THAP6: variants seen among roughly 807,000 people sequenced by gnomAD.
THAP6 encodes THAP domain containing 6.
THAP6 carries 13 observed loss-of-function variants against 20.0 expected under a neutral mutation model. The observed-to-expected ratio is 0.65, with a 90% CI of 0.42 to 1.03. THAP6 has a LOEUF of 1.03. THAP6 is among the 50% of genes least tolerant of loss of function. The probability of loss-of-function intolerance (pLI) is 0.00; values close to 1 mark genes in which losing one functional copy is unlikely to be tolerated. For synonymous variants in THAP6, 93 were observed against 92.2 expected (o/e 1.01, Z -0.05); for missense variants, 262 against 261.6 (o/e 1.00, Z -0.01).
intron 2 of THAP6, among the ~76,000 whole-genome samples, 198 bp from the exon 3 acceptor site, chr4:75,516,574 C>T (rs188206429): frequency 5.9e-5 from 9 of 152,254 alleles, no homozygotes; most frequent in Admixed American, 5.2e-4. Flanking sequence ...CATATATCTG[C>T]AGCATGATTG....
Position 75,527,168 on chromosome 4 carries a change from G to A in THAP6, c.623G>A (p.Cys208Tyr). ...QETANRLDTFCWDCCQESIEQ... is the reference protein window; with the variant it reads ...QETANRLDTFYWDCCQESIEQ... ...ACAGCAAATAGACTGGACACTTTCT[G>A]TTGGGACTGTTGTCAGGAGAGCATA... Residue 208 changes from cysteine (C) to tyrosine (Y), a missense_variant, in exon 5 of 5, where the codon TGT becomes TAT. Cys to Tyr is a radical substitution (Grantham distance 194). Transcript: ENST00000311638. 6.2e-7 allele frequency: 1 copy of A among 1,614,118 alleles called. No individual in the cohort carries two copies. The highest frequency in any genetic ancestry group is 2.2e-5 in the East Asian group (1 of 44,868).
In THAP6 at chr4:75,516,763, T is replaced by C; in HGVS notation, c.81-9T>C. The C allele has an allele frequency of 1.2e-6, 2 of 1,605,978 alleles. No individual in the cohort carries two copies. The highest frequency in any genetic ancestry group is 1.7e-6 in the Non-Finnish European group (2 of 1,176,506). ...TGATTTTAAAATATTTTTTGTATTT[T>C]TTTTCTAGATTCCCCACAGATGAAA... On this transcript the variant is annotated splice_polypyrimidine_tract_variant and intron_variant, in intron 2 of 4. Coordinates refer to ENST00000311638, the MANE Select transcript of THAP6 (RefSeq NM_144721.6).
Position 75,529,303 on chromosome 4 carries a change from A to G in THAP6, c.*2089A>G, listed in dbSNP as rs1465201582. The G allele has an allele frequency of 1.0e-6, 1 of 985,330 alleles. No homozygotes were observed. Among genetic ancestry groups the G allele is most frequent in the Non-Finnish European group, 1.2e-6 (1 of 829,942 alleles). 61.0% of individuals were successfully genotyped at this position (985,330 alleles called of 1,614,324 possible). A position where few individuals can be genotyped will look rare whatever the true frequency, so the allele number is the denominator to read the frequency against. On this transcript the variant is annotated 3_prime_UTR_variant, in exon 5 of 5. Transcript: ENST00000311638. ...TAGCACTCTACTGGCTGCTTAGAAT[A>G]CACCAAACCTGGAAGACCTTTCCAA...
chr4:75,527,111 A>G lies in THAP6; in HGVS notation c.566A>G (p.Glu189Gly). Residue 189 changes from glutamate to glycine, a missense_variant, in exon 5 of 5, where the codon GAA (glutamate) becomes GGA (glycine). Physicochemically the swap from Glu to Gly is moderately conservative, Grantham distance 98. Coordinates refer to ENST00000311638, the MANE Select transcript of THAP6 (RefSeq NM_144721.6). ...FQKSLRKTIR[E>G]LKDECLISQE... ...AAATCATTGAGGAAGACAATCAGGG[A>G]ATTAAAGGATGAATGTCTGATCAGC... 1 of 1,614,152 alleles carries G rather than the reference A, an allele frequency of 6.2e-7. No individual in the cohort carries two copies. The highest frequency in any genetic ancestry group is 8.5e-7 in the Non-Finnish European group (1 of 1,179,996).
intron 3 of THAP6, chr4:75,544,734 T>G (rs1475455299): frequency 2.0e-5 from 3 of 151,816 alleles, no homozygotes; most frequent in Non-Finnish European, 4.4e-5. Flanking sequence ...AACAATAATC[T>G]CCCTCCAAAC....
chr4:75,523,876 TGTA>T (rs1490056015), intron 4 of THAP6, among the ~76,000 whole-genome samples: 2 of 152,034 alleles, frequency 1.3e-5, no homozygotes, highest in Non-Finnish European at 2.9e-5. Context: ...AATGTTTTCT[TGTA>T]GTCGTTTCAT....
At chr4:75,545,480 A>C (rs1004076217) in intron 3 of THAP6, among the ~76,000 whole-genome samples, 1 of 152,152 alleles carries the variant, frequency 6.6e-6, no homozygotes, top group African/African-American at 2.4e-5. Flanking sequence ...ATGCCTAAGC[A>C]AGCCTTGCAG....
chr4:75,515,406 A>C (rs768593302), intron 1 of THAP6, 27 bp from the exon 2 acceptor site: 1 of 1,590,494 alleles, frequency 6.3e-7, no homozygotes, highest in Non-Finnish European at 8.6e-7. Flanking sequence ...CCGGTTACTA[A>C]CTCTTAACAT....
Position 75,527,047 on chromosome 4 carries a change from A to G in THAP6, c.502A>G (p.Ser168Gly). The change falls in exon 5 of 5, where the codon AGT (serine) becomes GGT (glycine). Residue 168 changes from serine (S) to glycine (G), a missense_variant. Coordinates refer to ENST00000311638, the MANE Select transcript of THAP6 (RefSeq NM_144721.6). Reference protein sequence around the residue: ...VIGELEDTKESLRNVLDREKR... With the variant: ...VIGELEDTKEGLRNVLDREKR... ...CGGCGAGCTAGAGGATACAAAGGAA[A>G]GTCTACGGAATGTTTTAGACCGAGA... The G allele has an allele frequency of 6.2e-7, 1 of 1,614,144 alleles. No homozygotes were observed.
At chr4:75,514,399 A>C, upstream of THAP6, 6 of 1,242,750 alleles carry the variant, frequency 4.8e-6, no homozygotes, top group South Asian at 8.9e-5. Flanking sequence ...CACTAGCGAC[A>C]ATATGGCTCC....
At chr4:75,544,660 G>T (rs1200787963) in intron 3 of THAP6, 1 of 152,012 alleles carries the variant, frequency 6.6e-6, no homozygotes, top group East Asian at 1.9e-4. Flanking sequence ...CACCACATCT[G>T]GCCTAGGACT....
upstream of THAP6, chr4:75,514,127 C>A (rs750340269): frequency 4.5e-6 from 7 of 1,561,690 alleles, no homozygotes; most frequent in Non-Finnish European, 6.1e-6. Flanking sequence ...CCAAGCCTAA[C>A]CACCTGCCCA....
chr4:75,534,029 C>A (rs188318530), downstream of THAP6, among the ~76,000 whole-genome samples: 689 of 151,784 alleles, frequency 4.5e-3, 8 homozygotes, highest in African/African-American at 0.016. Flanking sequence ...TTTGTCCTTG[C>A]AATAGTTTGC....
At chr4:75,531,643 T>C (rs1170065369), downstream of THAP6, among the ~76,000 whole-genome samples, 3 of 152,172 alleles carry the variant, frequency 2.0e-5, no homozygotes, top group Non-Finnish European at 4.4e-5. Flanking sequence ...GAGCACTTTA[T>C]AAAAGAAAGA....
chr4:75,541,465 T>TGTGA (rs1727000058), intron 2 of THAP6, among the ~76,000 whole-genome samples: 1 of 151,808 alleles, frequency 6.6e-6, no homozygotes, highest in African/African-American at 2.4e-5. Flanking sequence ...TGTGTGTGTG[T>TGTGA]AAGTATATAG....
At chr4:75,543,567 A>G (rs538656680) in intron 3 of THAP6, among the ~76,000 whole-genome samples, 1 of 152,336 alleles carries the variant, frequency 6.6e-6, no homozygotes, top group African/African-American at 2.4e-5. Context: ...GCTTGAGTCA[A>G]ATACTCAACC....
At chr4:75,536,845 A>G (rs1005704630) in intron 2 of THAP6, among the ~76,000 whole-genome samples, 1 of 152,154 alleles carries the variant, frequency 6.6e-6, no homozygotes, top group African/African-American at 2.4e-5. Context: ...GCTAGTTTAA[A>G]TACAAAGAAT....
Position 75,527,719 on chromosome 4 carries a change from T to C in THAP6, c.*505T>C, listed in dbSNP as rs966393591. On this transcript the variant is annotated 3_prime_UTR_variant, in exon 5 of 5. Coordinates refer to ENST00000311638, the MANE Select transcript of THAP6 (RefSeq NM_144721.6). ...GCTATCAGTAGTACCAAAGGATCTT[T>C]TTACAAGGCTTCCTGTGGTATTGAC... 3 of 989,424 alleles carry C rather than the reference T, an allele frequency of 3.0e-6. No homozygotes were observed. Among genetic ancestry groups the C allele is most frequent in the Non-Finnish European group, 3.6e-6 (3 of 832,384 alleles). 61.3% of individuals were successfully genotyped at this position (989,424 alleles called of 1,614,324 possible). A position where few individuals can be genotyped will look rare whatever the true frequency, so the allele number is the denominator to read the frequency against.
At chr4:75,545,526 C>T (rs1022686228) in intron 3 of THAP6, among the ~76,000 whole-genome samples, 2 of 152,156 alleles carry the variant, frequency 1.3e-5, no homozygotes, top group South Asian at 2.1e-4. Flanking sequence ...CAGTGCCAAC[C>T]GCAGAATCTT....
Sources: gnomAD v4.1 joint callset for allele counts (sites outside exome capture counted in the v4.1 genomes callset) on GRCh38, gnomAD v4.1.1 for gene constraint, MANE v1.5 for transcripts, NCBI Gene and HGNC (gene_info 2026-07-23, HGNC 2026-07-21) for gene names.